PRDM15: variants seen among roughly 807,000 people sequenced by gnomAD.
PRDM15 encodes the protein PR/SET domain 15.
A neutral mutation model predicts 128.6 loss-of-function variants in PRDM15; 64 were observed. The observed-to-expected ratio is 0.50, with a 90% CI of 0.41 to 0.61. PRDM15 has a LOEUF of 0.61. Among genes scored for constraint, PRDM15 ranks in the 20% least tolerant of loss-of-function variants. The pLI is 0.00. For synonymous variants in PRDM15, 615 were observed against 621.8 expected, an observed-to-expected ratio of 0.99 and a Z score of 0.16; for missense variants, 1,242 against 1,569.1, an observed-to-expected ratio of 0.79 and a Z score of 3.52.
chr21:41,808,735 T>C (rs1267369161), intron 21 of PRDM15, among the ~76,000 whole-genome samples: 2 of 152,236 alleles, frequency 1.3e-5, no homozygotes, highest in African/African-American at 2.4e-5. Flanking sequence ...ATTATATATG[T>C]GCACAACGTA....
At chr21:41,803,117 G>A in intron 22 of PRDM15, 196 bp from the exon 23 acceptor site, 2 of 587,760 alleles carry the variant, frequency 3.4e-6, no homozygotes, top group African/African-American at 1.9e-5. Flanking sequence ...TTTAGTTGCA[G>A]ATTTAAAAAA....
chr21:41,855,787 G>A (rs1105439), intron 4 of PRDM15, among the ~76,000 whole-genome samples: 119,416 of 152,262 alleles, frequency 0.78, 47,539 homozygotes, highest in African/African-American at 0.92. Context: ...AACTGTGTAC[G>A]TCGACCGGAT....
chr21:41,839,210 C>A (rs1447101753), intron 7 of PRDM15, among the ~76,000 whole-genome samples: 1 of 152,226 alleles, frequency 6.6e-6, no homozygotes, highest in Non-Finnish European at 1.5e-5. Flanking sequence ...GAAGGAGCCA[C>A]AGATAAACCA....
At chr21:41,823,984 G>A (rs111940770) in intron 13 of PRDM15, among the ~76,000 whole-genome samples, 2,746 of 152,292 alleles carry the variant, frequency 0.018, 92 homozygotes, top group African/African-American at 0.062. Flanking sequence ...TGGGGTTGGC[G>A]CTGGGTGGTC....
chr21:41,836,439 C>CCCCT (rs3216763), intron 9 of PRDM15, 29 bp downstream of exon 9: 1 of 1,593,710 alleles, frequency 6.3e-7, no homozygotes, highest in Non-Finnish European at 8.6e-7. Flanking sequence ...GCCCTGGCCC[C>CCCCT]GGGCGCCAGC....
chr21:41,838,387 C>T (rs995115337), intron 7 of PRDM15, among the ~76,000 whole-genome samples: 7 of 152,190 alleles, frequency 4.6e-5, no homozygotes, highest in African/African-American at 1.7e-4. Flanking sequence ...GCAGAAACTT[C>T]GAACTTACTA....
chr21:41,841,126 G>A (rs117624360), intron 6 of PRDM15, among the ~76,000 whole-genome samples: 2,823 of 152,262 alleles, frequency 0.019, 49 homozygotes, highest in Middle Eastern at 0.078. Flanking sequence ...AAGGGTGGGG[G>A]ATTATCCAGA....
chr21:41,855,107 A>C (rs2063541155), intron 4 of PRDM15, among the ~76,000 whole-genome samples: 1 of 152,138 alleles, frequency 6.6e-6, no homozygotes, highest in Admixed American at 6.5e-5. Flanking sequence ...CAGGTGCGGA[A>C]CTCAAGTTCT....
At position 41,828,972 on chromosome 21, in the gene PRDM15, C is replaced by A. The variant is rs1378541253; in HGVS notation, c.1367-639G>T. Among the ~76,000 whole-genome samples the A allele has an allele frequency of 4.0e-4, 58 of 143,348 alleles. No homozygotes were observed. Among genetic ancestry groups the A allele is most frequent in the African/African-American group, 1.4e-3 (53 of 38,078 alleles). The allele number at this position is 143,348 out of a possible 152,430, so 94.0% of individuals were successfully genotyped here. A position where few individuals can be genotyped will look rare whatever the true frequency, so the allele number is the denominator to read the frequency against. On this transcript the variant is annotated intron_variant, in intron 11 of 23. Coordinates refer to ENST00000398548, the MANE Select transcript of PRDM15 (RefSeq NM_001040424.3). This position sits in a 1 kb window ranked among gnomAD's most constrained non-coding sequence, Gnocchi z 5.7. ...CAATCACACACACCACATACACACA[C>A]CACGCACACATGCCCCACACAAATA...
At chr21:41,816,766 G>A (rs901365134) in intron 18 of PRDM15, among the ~76,000 whole-genome samples, 6 of 152,130 alleles carry the variant, frequency 3.9e-5, no homozygotes, top group South Asian at 4.1e-4. Flanking sequence ...AAGGCCCCAC[G>A]ATGAAGCCCG....
rs2062566602 is a variant in PRDM15, at chr21:41,828,831, G to C, written c.1367-498C>G. 6.6e-6 allele frequency among the ~76,000 whole-genome samples: 1 copy of C among 151,878 alleles called. No homozygotes were observed. Among genetic ancestry groups the C allele is most frequent in the Admixed American group, 6.6e-5 (1 of 15,256 alleles). ...TGGCCCCTCCCAACTCCTTCCCCGT[G>C]GGCGGGCATCAATGTGCCCATATTC... On this transcript the variant is annotated intron_variant, in intron 11 of 23. Coordinates refer to ENST00000398548, the MANE Select transcript of PRDM15 (RefSeq NM_001040424.3). The surrounding 1 kb of genome is among the most constrained non-coding windows in gnomAD (Gnocchi z 5.7).
At chr21:41,806,516 C>T (rs1380030505) in intron 21 of PRDM15, among the ~76,000 whole-genome samples, 13 of 19,438 alleles carry the variant, frequency 6.7e-4, no homozygotes, top group African/African-American at 2.9e-3. Context: ...ACCATCACCA[C>T]CACCATCACC....
chr21:41,871,110 CAG>C (rs1385630533), intron 1 of PRDM15, among the ~76,000 whole-genome samples: 1 of 152,170 alleles, frequency 6.6e-6, no homozygotes, highest in East Asian at 1.9e-4. Context: ...GATGGGTAGA[CAG>C]AGGTTTTTTA....
chr21:41,859,405 C>T lies in PRDM15; in HGVS notation c.131+187G>A, dbSNP rs1367855809. Among the ~76,000 whole-genome samples the T allele has an allele frequency of 6.6e-6, 1 of 152,218 alleles. No homozygotes were observed. The highest frequency in any genetic ancestry group is 1.5e-5 in the Non-Finnish European group (1 of 68,046). On this transcript the variant is annotated intron_variant, in intron 3 of 23. Coordinates refer to ENST00000398548, the MANE Select transcript of PRDM15 (RefSeq NM_001040424.3). The surrounding 1 kb of genome is among the most constrained non-coding windows in gnomAD (Gnocchi z 5.3). The stretch of plus-strand genomic sequence containing the variant: ...AGAAACTCACTCTGGAGCTTTGAAG[C>T]ACGTGTTTTGGTGTGTCCCGGCAGC...
At chr21:41,842,290 T>C (rs1286080578) in intron 6 of PRDM15, among the ~76,000 whole-genome samples, 1 of 152,200 alleles carries the variant, frequency 6.6e-6, no homozygotes, top group Non-Finnish European at 1.5e-5. Context: ...TTTTTAGTAT[T>C]AGATAGCATC....
In PRDM15 at chr21:41,879,207, G is replaced by A; in HGVS notation, c.-10+63C>T. ...GCCGGGGCTCGCGGGGGCAGCGGGTGCGGCCCGGGGCCGGCGGGGCGCACG... is the reference window on the plus strand; with the variant it reads ...GCCGGGGCTCGCGGGGGCAGCGGGTACGGCCCGGGGCCGGCGGGGCGCACG... On this transcript the variant is annotated intron_variant, in intron 1 of 23. Coordinates refer to ENST00000398548, the MANE Select transcript of PRDM15 (RefSeq NM_001040424.3). The surrounding 1 kb of genome is among the most constrained non-coding windows in gnomAD (Gnocchi z 5.1). The A allele has an allele frequency of 1.3e-6, 1 of 777,354 alleles. No homozygotes were observed. Among genetic ancestry groups the A allele is most frequent in the Non-Finnish European group, 1.6e-6 (1 of 642,456 alleles). The allele number at this position is 777,354 out of a possible 1,614,324, so 48.2% of individuals were successfully genotyped here.
At chr21:41,873,971 A>G (rs1370533011) in intron 1 of PRDM15, among the ~76,000 whole-genome samples, 1 of 151,486 alleles carries the variant, frequency 6.6e-6, no homozygotes, top group Non-Finnish European at 1.5e-5. Flanking sequence ...GCTTGAACCC[A>G]GGAGGTAGAG....
At chr21:41,813,152 C>A (rs962494903) in intron 19 of PRDM15, 1 of 152,102 alleles carries the variant, frequency 6.6e-6, no homozygotes, top group African/African-American at 2.4e-5. Flanking sequence ...AAAGGTTGCC[C>A]CTCAAAATGG....
Position 41,810,340 on chromosome 21 carries a change from A to G in PRDM15, c.2477-11T>C. ...TCCACTGCTTGCCCACTTTTCACAC[A>G]CACGCAGACACACATGCGCGTGGAA... On this transcript the variant is annotated splice_polypyrimidine_tract_variant and intron_variant, in intron 20 of 23. Coordinates refer to ENST00000398548, the MANE Select transcript of PRDM15 (RefSeq NM_001040424.3). The surrounding 1 kb of genome is among the most constrained non-coding windows in gnomAD (Gnocchi z 6.4). The G allele has an allele frequency of 6.2e-7, 1 of 1,606,062 alleles. No individual in the cohort carries two copies. The highest frequency in any genetic ancestry group is 1.4e-5 in the African/African-American group (1 of 73,774).
Sources: gnomAD v4.1 joint callset for allele counts (sites outside exome capture counted in the v4.1 genomes callset) on GRCh38, gnomAD v4.1.1 for gene constraint, Gnocchi (gnomAD v3.1) non-coding constraint, MANE v1.5 for transcripts, NCBI Gene and HGNC (gene_info 2026-07-23, HGNC 2026-07-21) for gene names.